The following DNAJB1 variants were observed in gnomAD, a reference collection of about 807,000 sequenced individuals.
DNAJB1 encodes DnaJ heat shock protein family (Hsp40) member B1, also known as dnaJ homolog subfamily B member 1.
A neutral mutation model predicts 24.0 loss-of-function variants in DNAJB1; 14 were observed. That is an observed-to-expected ratio of 0.58 (90% CI 0.39 to 0.91). The LOEUF (loss-of-function observed/expected upper bound fraction) is 0.91, where lower values mean the gene tolerates loss of function less well. Ranked by LOEUF, DNAJB1 falls within the 40% of genes least tolerant of loss-of-function variation. The pLI, the probability that DNAJB1 is intolerant of heterozygous loss-of-function variation, is 0.00. For missense variants in DNAJB1, 517 were observed against 458.1 expected, an observed-to-expected ratio of 1.13 and a Z score of -1.17; for synonymous variants, 262 against 174.4, an observed-to-expected ratio of 1.50 and a Z score of -3.96.
upstream of DNAJB1, among the ~76,000 whole-genome samples, chr19:14,521,438 G>A (rs2072357737): frequency 6.8e-6 from 1 of 147,600 alleles, no homozygotes; most frequent in African/African-American, 2.6e-5. Flanking sequence ...CAGACTGGGT[G>A]ACAGAGTGAG....
upstream of DNAJB1, chr19:14,529,944 G>C (rs2072561026): frequency 1.6e-6 from 1 of 620,138 alleles, no homozygotes; most frequent in East Asian, 2.8e-5. Context: ...TTTTTCTTGG[G>C]GGTCTCTGCA....
At chr19:14,529,527 C>G (rs554883325), upstream of DNAJB1, 1 of 868,642 alleles carries the variant, frequency 1.2e-6, no homozygotes, top group Non-Finnish European at 1.9e-6. Context: ...CGAACGTGGG[C>G]GCCTCGTGCC....
chr19:14,521,528 A>G (rs1291600916), upstream of DNAJB1, among the ~76,000 whole-genome samples: 1 of 152,026 alleles, frequency 6.6e-6, no homozygotes, highest in Non-Finnish European at 1.5e-5. Flanking sequence ...CATTTTGCTA[A>G]AAACACTGCG....
chr19:14,560,117 C>T (rs1016562082), exon 1 of DNAJB1, among the ~76,000 whole-genome samples: 2 of 152,196 alleles, frequency 1.3e-5, no homozygotes, highest in African/African-American at 4.8e-5. Context: ...GCCCCTCTCT[C>T]GCTACCCCCT....
chr19:14,552,936 C>T (rs568626402), upstream of DNAJB1, among the ~76,000 whole-genome samples: 12 of 152,102 alleles, frequency 7.9e-5, no homozygotes, highest in South Asian at 1.7e-3. Context: ...CTGAATGAAA[C>T]GGGCGAGATC....
Position 14,518,354 on chromosome 19 carries a change from C to T in DNAJB1, c.-5G>A. On this transcript the variant is annotated 5_prime_UTR_variant, in exon 1 of 3. Transcript: ENST00000254322. Reference sequence around the variant, plus strand: ...CTGGTAGTAGTCTTTACCCATGACCCCCTCCTGCGGCCCGCCGACCCGCTG... The same window carrying T: ...CTGGTAGTAGTCTTTACCCATGACCTCCTCCTGCGGCCCGCCGACCCGCTG... 2 of 1,554,670 alleles carry T rather than the reference C, an allele frequency of 1.3e-6. No homozygotes were observed. Among genetic ancestry groups the T allele is most frequent in the Non-Finnish European group, 1.7e-6 (2 of 1,158,444 alleles).
intron 1 of DNAJB1, among the ~76,000 whole-genome samples, chr19:14,542,357 T>TTTTTTTTTG (rs1568404136): frequency 3.3e-5 from 4 of 122,670 alleles, no homozygotes; most frequent in Non-Finnish European, 5.2e-5. Flanking sequence ...GTTTTTTTTT[T>TTTTTTTTTG]TTTTTTTTTT....
intron 1 of DNAJB1, among the ~76,000 whole-genome samples, chr19:14,539,140 ATTTTTTTTT>A (rs57801378): frequency 3.0e-3 from 281 of 92,556 alleles, no homozygotes; most frequent in African/African-American, 7.2e-3. Flanking sequence ...CGCCCGGCTA[ATTTTTTTTT>A]TTTTTTTTTT....
intron 1 of DNAJB1, among the ~76,000 whole-genome samples, chr19:14,535,967 G>A (rs1599417201): frequency 6.6e-6 from 1 of 152,094 alleles, no homozygotes; most frequent in East Asian, 1.9e-4. Context: ...TGTCCTGGCT[G>A]TAGCTTTGTA....
chr19:14,524,862 C>T (rs1310290592), intron 2 of DNAJB1, among the ~76,000 whole-genome samples: 3 of 80,328 alleles, frequency 3.7e-5, no homozygotes, highest in Non-Finnish European at 7.2e-5. Flanking sequence ...AAAAGACCTT[C>T]AAAAAGCGCT....
rs1383765802 is a variant in DNAJB1, at chr19:14,556,415, A to AAAAAAAAAAG, written c.-2165-2098_-2165-2097insCTTTTTTTTT. Among the ~76,000 whole-genome samples, 358 of 151,642 alleles carry AAAAAAAAAAG rather than the reference A, an allele frequency of 2.4e-3. 4 individuals are homozygous for AAAAAAAAAAG. The highest frequency in any genetic ancestry group is 8.3e-3 in the African/African-American group (343 of 41,266). Reference sequence around the variant, plus strand: ...GCGACAGCGAGACTCTCTCAAAAAAAAAACAAAAACAAAAAAAACCACATT... The same window carrying AAAAAAAAAAG: ...GCGACAGCGAGACTCTCTCAAAAAAAAAAAAAAAAGAAACAAAAACAAAAAAAACCACATT... On this transcript the variant is annotated intron_variant, in intron 1 of 5. Transcript: ENST00000679223.
rs369143149 is a variant in DNAJB1 at position 14,527,165 on chromosome 19, C to CTTTTTTTTTTTTTT, written c.-90+547_-90+560dup. 6.1e-4 allele frequency among the ~76,000 whole-genome samples: 25 copies of CTTTTTTTTTTTTTT among 41,306 alleles called. 5 individuals are homozygous for CTTTTTTTTTTTTTT. The highest frequency in any genetic ancestry group is 7.6e-4 in the African/African-American group (7 of 9,252). 27.1% of individuals were successfully genotyped at this position (41,306 alleles called of 152,430 possible). ...AACTGCCACCAGAAAAATATCTCTG[C>CTTTTTTTTTTTTTT]TTTTTTTTTTTTTTTTTTTTTTTTT... On this transcript the variant is annotated intron_variant, in intron 2 of 3. Transcript: ENST00000396969.
chr19:14,529,523 T>C (rs1370698836), upstream of DNAJB1: 2 of 846,518 alleles, frequency 2.4e-6, no homozygotes, highest in Admixed American at 1.9e-5. Context: ...GGGGCGAACG[T>C]GGGCGCCTCG....
At chr19:14,529,335 A>G (rs2072519167), upstream of DNAJB1, 4 of 445,602 alleles carry the variant, frequency 9.0e-6, no homozygotes, top group Non-Finnish European at 1.7e-5. Context: ...CGACGCCATC[A>G]GGGGGCGTGG....
upstream of DNAJB1, among the ~76,000 whole-genome samples, chr19:14,553,529 C>G (rs368078388): frequency 6.6e-6 from 1 of 152,102 alleles, no homozygotes; most frequent in Non-Finnish European, 1.5e-5. Flanking sequence ...TATTTCTGGC[C>G]GAGCAGGTGT....
At chr19:14,550,345 G>T (rs1012660894), upstream of DNAJB1, among the ~76,000 whole-genome samples, 1 of 152,172 alleles carries the variant, frequency 6.6e-6, no homozygotes, top group Non-Finnish European at 1.5e-5. Flanking sequence ...TCCCAGTCTA[G>T]GCTCTTTGGC....
rs574927325 is a variant in DNAJB1 at position 14,516,806 on chromosome 19, G to A, written c.452C>T (p.Ser151Phe). The change falls in exon 2 of 3, where the codon TCT (serine) becomes TTT (phenylalanine). Residue 151 changes from serine (S) to phenylalanine (F), a missense_variant. By Grantham distance (155) the Ser-to-Phe change is radical. Coordinates refer to ENST00000254322, the MANE Select transcript of DNAJB1 (RefSeq NM_006145.3). ...FTNVNFGRSR[S>F]AQEPARKKQD... is the part of the protein sequence containing the mutation. ...CTTCTTTCGGGCGGGCTCTTGGGCA[G>A]AGCGGGAGCGGCCAAAGTTCACGTT... 6.2e-7 allele frequency: 1 copy of A among 1,613,730 alleles called. No homozygotes were observed. Among genetic ancestry groups the A allele is most frequent in the Non-Finnish European group, 8.5e-7 (1 of 1,179,976 alleles).
chr19:14,524,845 C>CAAACAAAAAAAA (rs2072400894), intron 2 of DNAJB1, among the ~76,000 whole-genome samples: 1 of 112,200 alleles, frequency 8.9e-6, no homozygotes, highest in Non-Finnish European at 1.7e-5. Context: ...GACTCGTTCT[C>CAAACAAAAAAAA]AAAAAAAAAA....
chr19:14,557,092 G>A (rs1159028321), intron 1 of DNAJB1, among the ~76,000 whole-genome samples: 1 of 149,078 alleles, frequency 6.7e-6, no homozygotes, highest in Non-Finnish European at 1.5e-5. Flanking sequence ...TGGCATGGCT[G>A]TTCTGCTAGT....
Sources: gnomAD v4.1 joint callset for allele counts (sites outside exome capture counted in the v4.1 genomes callset) on GRCh38, gnomAD v4.1.1 for gene constraint, MANE v1.5 for transcripts, NCBI Gene and HGNC (gene_info 2026-07-23, HGNC 2026-07-21) for gene names.